Variants in RPS6KA3 observed in about 807,000 individuals in gnomAD.
RPS6KA3 encodes ribosomal protein S6 kinase alpha-3.
RPS6KA3 carries 4 observed loss-of-function variants against 67.2 expected under a neutral mutation model. The ratio of observed to expected loss-of-function variants is 0.06; its 90% CI spans 0.03 to 0.14. The LOEUF (loss-of-function observed/expected upper bound fraction) is 0.14, where lower values mean the gene tolerates loss of function less well. Ranked by LOEUF, RPS6KA3 falls within the 10% of genes least tolerant of loss-of-function variation. RPS6KA3 has a pLI of 1.00. For synonymous variants in RPS6KA3, 182 were observed against 183.7 expected (o/e 0.99, Z 0.07); for missense variants, 204 against 559.0 (o/e 0.36, Z 6.40).
chrX:20,159,415 C>G (rs1032435160), intron 20 of RPS6KA3, among the ~76,000 whole-genome samples: 4 of 112,524 alleles, frequency 3.6e-5, no homozygotes, highest in Non-Finnish European at 7.5e-5. Context: ...GCAACTTGCT[C>G]TTGAGGGGAT....
upstream of RPS6KA3, chrX:20,266,952 C>A (rs778987571): frequency 9.6e-6 from 7 of 729,432 alleles, no homozygotes; most frequent in Non-Finnish European, 1.1e-5. Flanking sequence ...TCCGCCCCCC[C>A]CGCCGGTTCC....
In RPS6KA3 at chrX:20,259,796, A is replaced by C. The variant is rs190566906; in HGVS notation, c.69+6768T>G. Among the ~76,000 whole-genome samples the C allele has an allele frequency of 9.4e-4, 105 of 111,788 alleles. 1 individual carries two copies. The highest frequency in any genetic ancestry group is 3.1e-3 in the African/African-American group (95 of 30,769). Reference sequence around the variant, plus strand: ...TAAATTATACAGTAAAGACAGGTTAAATCTTATTTAATGCCACATTTCCCC... The same window carrying C: ...TAAATTATACAGTAAAGACAGGTTACATCTTATTTAATGCCACATTTCCCC... On this transcript the variant is annotated intron_variant, in intron 1 of 21. Transcript: ENST00000379565.
At chrX:20,243,137 G>T (rs1237303389) in intron 1 of RPS6KA3, among the ~76,000 whole-genome samples, 1 of 111,214 alleles carries the variant, frequency 9.0e-6, no homozygotes, top group African/African-American at 3.3e-5. Context: ...AGTTAAAAAA[G>T]TCATTTTATT....
chrX:20,169,557 G>C (rs1449972881), intron 15 of RPS6KA3, 66 bp from the exon 16 acceptor site: 1 of 666,436 alleles, frequency 1.5e-6, no homozygotes, highest in Non-Finnish European at 2.5e-6. Flanking sequence ...ATTGTTTATA[G>C]CTACAGACCT....
rs1229029400 is a variant in RPS6KA3 at position 20,225,231 on chromosome X, T to G, written c.126+9527A>C. 3.9e-4 allele frequency among the ~76,000 whole-genome samples: 32 copies of G among 82,101 alleles called. No homozygotes were observed. The South Asian group carries it at 0.016, about 40-fold the overall frequency. The allele number at this position is 82,101 out of a possible 115,157, so 71.3% of individuals were successfully genotyped here. A position where few individuals can be genotyped will look rare whatever the true frequency, so the allele number is the denominator to read the frequency against. On this transcript the variant is annotated intron_variant, in intron 2 of 21. Transcript: ENST00000379565. ...GGTAAGCCATGATAAAAAGGGGAGGTTTTTTTTTTTTGTTTTTTTTTTTGT... is the reference window on the plus strand; with the variant it reads ...GGTAAGCCATGATAAAAAGGGGAGGGTTTTTTTTTTTGTTTTTTTTTTTGT...
chrX:20,183,957 CTCAA>C (rs2067908201), intron 10 of RPS6KA3, among the ~76,000 whole-genome samples: 1 of 112,485 alleles, frequency 8.9e-6, no homozygotes, highest in South Asian at 3.6e-4. Flanking sequence ...CAACAAATAC[CTCAA>C]TCAATTTTTA....
chrX:20,150,925 G>C lies in RPS6KA3; in HGVS notation c.*4473C>G. On this transcript the variant is annotated 3_prime_UTR_variant, in exon 22 of 22. Transcript: ENST00000379565. ...TTAAACAGCTTATCATGCAGTTCAA[G>C]ATTATATGGCAAAATAATGAGGAAA... 1 of 112,521 alleles carries C rather than the reference G, an allele frequency of 8.9e-6. No individual in the cohort carries two copies. The highest frequency in any genetic ancestry group is 2.8e-4 in the East Asian group (1 of 3,605). 9.3% of individuals were successfully genotyped at this position (112,521 alleles called of 1,213,427 possible). A position where few individuals can be genotyped will look rare whatever the true frequency, so the allele number is the denominator to read the frequency against.
intron 14 of RPS6KA3, 98 bp downstream of exon 14, chrX:20,175,066 T>C: frequency 1.1e-6 from 1 of 881,392 alleles, no homozygotes; most frequent in South Asian, 2.0e-5. Flanking sequence ...AAATGTATTT[T>C]AAATTGCTCA....
At chrX:20,218,832 T>A in intron 2 of RPS6KA3, 1 of 1,198,076 alleles carries the variant, frequency 8.3e-7, no homozygotes, top group Non-Finnish European at 1.1e-6. Context: ...GACAAAAATT[T>A]AAACATGGCT....
At chrX:20,206,647 T>TA (rs1381080697) in intron 3 of RPS6KA3, among the ~76,000 whole-genome samples, 1 of 111,883 alleles carries the variant, frequency 8.9e-6, no homozygotes, top group Non-Finnish European at 1.9e-5. Flanking sequence ...AACAAATAAT[T>TA]AAACAAATGA....
intron 3 of RPS6KA3, among the ~76,000 whole-genome samples, chrX:20,207,018 G>A (rs1186781433): frequency 1.8e-5 from 2 of 111,961 alleles, no homozygotes; most frequent in African/African-American, 6.5e-5. Context: ...CATCTTTATC[G>A]TAAAAGCAAA....
At position 20,155,083 on chromosome X, in the gene RPS6KA3, T is replaced by C; in HGVS notation, c.*315A>G. 1 of 282,563 alleles carries C rather than the reference T, an allele frequency of 3.5e-6. No individual in the cohort carries two copies. The highest frequency in any genetic ancestry group is 4.5e-5 in the South Asian group (1 of 22,111). 23.3% of individuals were successfully genotyped at this position (282,563 alleles called of 1,213,427 possible). ...CATGAAATATTTCCTATAAAAATAATGCTATATGGTGTACTTTATTCAGTG... is the reference window on the plus strand; with the variant it reads ...CATGAAATATTTCCTATAAAAATAACGCTATATGGTGTACTTTATTCAGTG... On this transcript the variant is annotated 3_prime_UTR_variant, in exon 22 of 22. Coordinates refer to ENST00000379565, the MANE Select transcript of RPS6KA3 (RefSeq NM_004586.3).
At chrX:20,191,093 T>G (rs1486604799) in intron 7 of RPS6KA3, among the ~76,000 whole-genome samples, 1 of 110,941 alleles carries the variant, frequency 9.0e-6, no homozygotes, top group African/African-American at 3.3e-5. Context: ...ATTGTTCAAC[T>G]CCCACTTATG....
At position 20,163,002 on chromosome X, in the gene RPS6KA3, T is replaced by C; in HGVS notation, c.1803A>G (p.Ile601Met). Residue 601 changes from isoleucine (I) to methionine (M), a missense_variant, in exon 19 of 22, where the codon ATA (isoleucine) becomes ATG (methionine). Transcript: ENST00000379565. ...TATAGAGTAGGACACCAAGACTCCATATATCACAAGCAGCATCATAGCCTT... is the reference window on the plus strand; with the variant it reads ...TATAGAGTAGGACACCAAGACTCCACATATCACAAGCAGCATCATAGCCTT... ...KRQGYDAACDIWSLGVLLYTM... is the reference protein window; with the variant it reads ...KRQGYDAACDMWSLGVLLYTM... 1 of 1,202,223 alleles carries C rather than the reference T, an allele frequency of 8.3e-7. No homozygotes were observed. Among genetic ancestry groups the C allele is most frequent in the Non-Finnish European group, 1.1e-6 (1 of 886,769 alleles).
chrX:20,234,109 T>C (rs1160826684), intron 2 of RPS6KA3, among the ~76,000 whole-genome samples: 1 of 112,466 alleles, frequency 8.9e-6, no homozygotes, highest in African/African-American at 3.2e-5. Flanking sequence ...GTTAAACGTA[T>C]CTGTAAAGTA....
intron 1 of RPS6KA3, chrX:20,241,534 A>C (rs1451856838): frequency 9.1e-6 from 1 of 109,746 alleles, no homozygotes; most frequent in Non-Finnish European, 1.9e-5. Flanking sequence ...AAAAAAAAAA[A>C]CAGGCAGTTT....
At chrX:20,160,844 T>C (rs969158799) in intron 20 of RPS6KA3, among the ~76,000 whole-genome samples, 7 of 112,493 alleles carry the variant, frequency 6.2e-5, no homozygotes, top group Admixed American at 5.7e-4. Context: ...TTTGATGTGT[T>C]CTATTTACTT....
chrX:20,217,760 C>T (rs1017325615), intron 2 of RPS6KA3, among the ~76,000 whole-genome samples: 13 of 111,868 alleles, frequency 1.2e-4, no homozygotes, highest in African/African-American at 4.2e-4. Context: ...AGTTCTATAA[C>T]ATGTAGTTTT....
chrX:20,244,562 G>A (rs780267658), intron 1 of RPS6KA3, among the ~76,000 whole-genome samples: 2 of 111,818 alleles, frequency 1.8e-5, no homozygotes, highest in Non-Finnish European at 3.8e-5. Flanking sequence ...GAGTTATTAC[G>A]CAGAGAAGAA....
Sources: allele counts gnomAD v4.1 joint callset (sites outside exome capture counted in the v4.1 genomes callset), GRCh38; gene constraint gnomAD v4.1.1; transcripts MANE v1.5; gene names NCBI Gene and HGNC (gene_info 2026-07-23, HGNC 2026-07-21).